The following PSD3 variants were observed in gnomAD, a reference collection of about 807,000 sequenced individuals.
PSD3 encodes pleckstrin and Sec7 domain containing 3, also known as PH and SEC7 domain-containing protein 3.
PSD3 carries 49 observed loss-of-function variants against 105.5 expected under a neutral mutation model. The ratio of observed to expected loss-of-function variants is 0.46; its 90% CI spans 0.37 to 0.59. PSD3 has a LOEUF of 0.59. PSD3 is among the 20% of genes least tolerant of loss of function. The pLI is 0.00. For missense variants in PSD3, 1,561 were observed against 1,263.8 expected (o/e 1.24, Z -3.57); for synonymous variants, 557 against 457.8 (o/e 1.22, Z -2.77).
Position 18,831,810 on chromosome 8 carries a change from T to C in PSD3, c.1635-26912A>G, listed in dbSNP as rs537928324. Among the ~76,000 whole-genome samples, 4 of 152,146 alleles carry C rather than the reference T, an allele frequency of 2.6e-5. No individual in the cohort carries two copies. In the East Asian group the frequency reaches 7.7e-4, roughly 29 times the overall value. ...AGACATGTTGCAAATAAATAAGCTATAGAAAATAGCCAAAAAAGGATTTGG... is the reference window on the plus strand; with the variant it reads ...AGACATGTTGCAAATAAATAAGCTACAGAAAATAGCCAAAAAAGGATTTGG... On this transcript the variant is annotated intron_variant, in intron 4 of 15. Coordinates refer to ENST00000327040, the MANE Select transcript of PSD3 (RefSeq NM_015310.4).
At chr8:18,765,659 G>T in intron 8 of PSD3, 121 bp from the exon 9 acceptor site, 1 of 823,710 alleles carries the variant, frequency 1.2e-6, no homozygotes. Context: ...AGGTGCGGTG[G>T]CTCACGCCTG....
At chr8:18,901,661 A>G (rs1199398257) in intron 2 of PSD3, among the ~76,000 whole-genome samples, 2 of 152,006 alleles carry the variant, frequency 1.3e-5, no homozygotes, top group Non-Finnish European at 2.9e-5. Flanking sequence ...AGTGATTTTC[A>G]TCTTTTCACT....
At chr8:18,681,331 G>A (rs1800375225) in intron 9 of PSD3, among the ~76,000 whole-genome samples, 2 of 151,714 alleles carry the variant, frequency 1.3e-5, no homozygotes, top group South Asian at 4.2e-4. Flanking sequence ...TACCAGCTGG[G>A]TGCAGTAGCT....
chr8:18,916,335 TATATATATATATATAC>T (rs1820594586), intron 2 of PSD3, among the ~76,000 whole-genome samples: 3 of 43,542 alleles, frequency 6.9e-5, no homozygotes, highest in African/African-American at 2.5e-4. Context: ...TATATATATA[TATATATATATATATAC>T]ACACACACAC....
At chr8:18,830,781 T>A (rs945916664) in intron 4 of PSD3, among the ~76,000 whole-genome samples, 3 of 152,168 alleles carry the variant, frequency 2.0e-5, no homozygotes. Flanking sequence ...CATGGAAGTA[T>A]CTGCTTCCCG....
chr8:18,750,722 C>A (rs1363172433), intron 9 of PSD3, among the ~76,000 whole-genome samples: 1 of 151,984 alleles, frequency 6.6e-6, no homozygotes, highest in East Asian at 1.9e-4. Context: ...GAGCTAGATA[C>A]AAAGGTTCTC....
intron 14 of PSD3, chr8:18,557,612 G>GT (rs1801157523): frequency 2.0e-5 from 3 of 153,258 alleles, no homozygotes; most frequent in African/African-American, 7.2e-5. Context: ...GCATGAACAC[G>GT]TGGAGTGATC....
In PSD3 at chr8:18,890,029, T is replaced by C. The variant is rs545830452; in HGVS notation, c.131-17296A>G. ...AGCAAGCTATTATTGCCCAACCTGATATAAGATTTTTAGAAATACAACTTT... is the reference window on the plus strand; with the variant it reads ...AGCAAGCTATTATTGCCCAACCTGACATAAGATTTTTAGAAATACAACTTT... On this transcript the variant is annotated intron_variant, in intron 2 of 15. Coordinates refer to ENST00000327040, the MANE Select transcript of PSD3 (RefSeq NM_015310.4). Among the ~76,000 whole-genome samples the C allele has an allele frequency of 1.1e-3, 174 of 152,312 alleles. 1 individual carries two copies. Among genetic ancestry groups the C allele is most frequent in the African/African-American group, 3.8e-3 (156 of 41,564 alleles).
chr8:18,557,678 C>T (rs1801161069), intron 14 of PSD3, among the ~76,000 whole-genome samples: 1 of 152,134 alleles, frequency 6.6e-6, no homozygotes, highest in African/African-American at 2.4e-5. Context: ...AAATGAAACA[C>T]TCCAAGAAGT....
chr8:18,605,766 G>A (rs778666133), intron 11 of PSD3, among the ~76,000 whole-genome samples: 1 of 152,110 alleles, frequency 6.6e-6, no homozygotes, highest in African/African-American at 2.4e-5. Context: ...CTACCTCCTT[G>A]GTGCTGTTCT....
At chr8:18,784,823 C>T (rs190378231) in intron 8 of PSD3, among the ~76,000 whole-genome samples, 5 of 152,306 alleles carry the variant, frequency 3.3e-5, no homozygotes, top group African/African-American at 1.2e-4. Flanking sequence ...CCTCAAAGCT[C>T]TCCAAACCCC....
At chr8:18,975,018 A>C (rs1357274039) in intron 1 of PSD3, among the ~76,000 whole-genome samples, 1 of 152,232 alleles carries the variant, frequency 6.6e-6, no homozygotes, top group Non-Finnish European at 1.5e-5. Context: ...CCAGAGTATG[A>C]AAAGAAACAC....
At chr8:18,808,515 T>C (rs918385065) in intron 4 of PSD3, among the ~76,000 whole-genome samples, 1 of 152,190 alleles carries the variant, frequency 6.6e-6, no homozygotes, top group Non-Finnish European at 1.5e-5. Context: ...CCAGATGATT[T>C]CACCTAATTT....
intron 11 of PSD3, among the ~76,000 whole-genome samples, chr8:18,616,845 G>A (rs10091978): frequency 0.5 from 75,542 of 150,736 alleles, 19,349 homozygotes; most frequent in Middle Eastern, 0.69. Flanking sequence ...GGATGGTCTC[G>A]ATCTCGTGAC....
intron 9 of PSD3, among the ~76,000 whole-genome samples, chr8:18,657,621 A>G (rs974249584): frequency 6.6e-6 from 1 of 152,020 alleles, no homozygotes; most frequent in Non-Finnish European, 1.5e-5. Flanking sequence ...GATATAGTTA[A>G]TGTATCAGGA....
chr8:18,582,535 T>C (rs1253865916), intron 12 of PSD3, among the ~76,000 whole-genome samples: 1 of 152,108 alleles, frequency 6.6e-6, no homozygotes, highest in South Asian at 2.1e-4. Context: ...AGTGACATCA[T>C]CTACTTGCAT....
chr8:19,080,181 G>T (rs921788119), intron 1 of PSD3, among the ~76,000 whole-genome samples: 1 of 152,104 alleles, frequency 6.6e-6, no homozygotes, highest in Non-Finnish European at 1.5e-5. Context: ...AAGCCACCGC[G>T]CCTGGCCAAA....
chr8:18,777,898 ATG>A (rs1436392849), intron 8 of PSD3, among the ~76,000 whole-genome samples: 1 of 152,150 alleles, frequency 6.6e-6, no homozygotes, highest in East Asian at 1.9e-4. Flanking sequence ...AGCATACAAT[ATG>A]TGTCTTTCAA....
At chr8:19,037,062 G>A (rs1827966522) in intron 1 of PSD3, among the ~76,000 whole-genome samples, 2 of 152,176 alleles carry the variant, frequency 1.3e-5, no homozygotes, top group Admixed American at 6.5e-5. Flanking sequence ...CCATGTGACT[G>A]CCAAAGGACT....
Sources: allele counts gnomAD v4.1 joint callset (sites outside exome capture counted in the v4.1 genomes callset), GRCh38; gene constraint gnomAD v4.1.1; transcripts MANE v1.5; gene names NCBI Gene and HGNC (gene_info 2026-07-23, HGNC 2026-07-21).